Variants in SLC25A21 observed in about 807,000 individuals in gnomAD.
SLC25A21 encodes mitochondrial 2-oxodicarboxylate carrier.
Under a neutral mutation model 43.8 loss-of-function variants are expected in SLC25A21, and 47 were observed. The ratio of observed to expected loss-of-function variants is 1.07; its 90% confidence interval spans 0.85 to 1.37. SLC25A21 has a LOEUF of 1.37. Ranked by LOEUF, SLC25A21 falls within the 40% of genes most tolerant of loss-of-function variation. The pLI, the probability that SLC25A21 is intolerant of heterozygous loss-of-function variation, is 0.00. For synonymous variants in SLC25A21, 131 were observed against 121.3 expected, an observed-to-expected ratio of 1.08 and a Z score of -0.52; for missense variants, 352 against 350.2, an observed-to-expected ratio of 1.00 and a Z score of -0.04.
At chr14:36,724,413 T>A (rs989024034) in intron 6 of SLC25A21, among the ~76,000 whole-genome samples, 38 of 151,868 alleles carry the variant, frequency 2.5e-4, no homozygotes, top group African/African-American at 4.8e-5. Flanking sequence ...AGTGAGGGGG[T>A]CTCCACCCAT....
chr14:36,727,841 C>A (rs1009086468), intron 5 of SLC25A21, among the ~76,000 whole-genome samples: 1 of 151,986 alleles, frequency 6.6e-6, no homozygotes, highest in African/African-American at 2.4e-5. Flanking sequence ...ATATTTTATT[C>A]ATTTATCTCA....
At chr14:36,847,967 G>A (rs1457259420) in intron 2 of SLC25A21, among the ~76,000 whole-genome samples, 1 of 152,158 alleles carries the variant, frequency 6.6e-6, no homozygotes, top group Non-Finnish European at 1.5e-5. Context: ...CTAAGGAAGA[G>A]GTGATACACA....
At chr14:36,684,587 G>A (rs1882444023) in intron 8 of SLC25A21, among the ~76,000 whole-genome samples, 157 bp downstream of exon 8, 1 of 151,996 alleles carries the variant, frequency 6.6e-6, no homozygotes, top group South Asian at 2.1e-4. Context: ...TCTTACTATT[G>A]TGTTGTCTTG....
intron 1 of SLC25A21, among the ~76,000 whole-genome samples, chr14:37,019,480 T>C (rs1281994741): frequency 6.6e-6 from 1 of 151,810 alleles, no homozygotes; most frequent in Non-Finnish European, 1.5e-5. Flanking sequence ...CTTCTCAATA[T>C]TCTGGAAGTT....
chr14:37,074,809 G>A (rs925197050), intron 1 of SLC25A21, among the ~76,000 whole-genome samples: 3 of 152,066 alleles, frequency 2.0e-5, no homozygotes, highest in Non-Finnish European at 2.9e-5. Flanking sequence ...GTGACAGAGT[G>A]AGACTCTGTC....
intron 3 of SLC25A21, among the ~76,000 whole-genome samples, chr14:36,790,397 C>T (rs1232130450): frequency 6.6e-6 from 1 of 152,058 alleles, no homozygotes; most frequent in Non-Finnish European, 1.5e-5. Context: ...AGTTCTGCCA[C>T]ATCTGCTCTT....
At chr14:37,061,174 C>G (rs1464151244) in intron 1 of SLC25A21, among the ~76,000 whole-genome samples, 2 of 152,150 alleles carry the variant, frequency 1.3e-5, no homozygotes, top group African/African-American at 4.8e-5. Context: ...ACCTCAGAGA[C>G]TAGGAGGTTA....
At chr14:36,682,894 CTCTA>C (rs1882345881) in intron 9 of SLC25A21, among the ~76,000 whole-genome samples, 1 of 152,102 alleles carries the variant, frequency 6.6e-6, no homozygotes, top group African/African-American at 2.4e-5. Context: ...GACTCTTGTT[CTCTA>C]TCTTAGATTA....
At chr14:36,712,559 T>G (rs1955735) in intron 6 of SLC25A21, among the ~76,000 whole-genome samples, 15 of 152,104 alleles carry the variant, frequency 9.9e-5, no homozygotes, top group African/African-American at 3.1e-4. Flanking sequence ...ATAATAGCTA[T>G]GTAATTAATG....
At chr14:37,115,818 C>A (rs1594800432) in intron 1 of SLC25A21, among the ~76,000 whole-genome samples, 1 of 152,198 alleles carries the variant, frequency 6.6e-6, no homozygotes, top group African/African-American at 2.4e-5. Context: ...TCATATATAG[C>A]AAGTGTAAAA....
intron 1 of SLC25A21, among the ~76,000 whole-genome samples, chr14:37,024,502 C>T (rs1961052208): frequency 6.6e-6 from 1 of 152,042 alleles, no homozygotes; most frequent in Admixed American, 6.6e-5. Context: ...ACTTTTAGCA[C>T]ATGGTTTCTC....
At chr14:36,708,807 C>T (rs75600478) in intron 7 of SLC25A21, among the ~76,000 whole-genome samples, 1 of 142,966 alleles carries the variant, frequency 7.0e-6, no homozygotes, top group Non-Finnish European at 1.5e-5. Flanking sequence ...CCTGTCTCAA[C>T]TCTTGGCCTC....
chr14:36,840,798 C>T (rs973752231), intron 2 of SLC25A21, among the ~76,000 whole-genome samples: 1 of 152,126 alleles, frequency 6.6e-6, no homozygotes, highest in South Asian at 2.1e-4. Context: ...GCTCTGATAT[C>T]CGACGAGTCA....
intron 1 of SLC25A21, among the ~76,000 whole-genome samples, chr14:36,999,079 T>G (rs1033812557): frequency 3.3e-5 from 5 of 152,096 alleles, no homozygotes; most frequent in Non-Finnish European, 7.4e-5. Context: ...GAGTTGGAAA[T>G]ACAAAAACCT....
At chr14:37,040,248 AAGGGAGGGAGGGAGGGAGGG>A (rs1397612718) in intron 1 of SLC25A21, among the ~76,000 whole-genome samples, 1 of 2,218 alleles carries the variant, frequency 4.5e-4, no homozygotes, top group Non-Finnish European at 8.6e-4. Context: ...GGAAGGGAGG[AAGGGAGGGAGGGAGGGAGGG>A]AGGAAGGAAG....
chr14:36,922,081 C>T (rs1891994456), intron 1 of SLC25A21, among the ~76,000 whole-genome samples: 1 of 150,794 alleles, frequency 6.6e-6, no homozygotes, highest in African/African-American at 2.4e-5. Context: ...AGAGGTTGCA[C>T]TGAGCCAAGA....
intron 1 of SLC25A21, among the ~76,000 whole-genome samples, chr14:36,875,557 G>C (rs1594659318): frequency 6.6e-6 from 1 of 152,302 alleles, no homozygotes; most frequent in East Asian, 1.9e-4. Context: ...TGGGATCACT[G>C]TGTGCTAGGC....
In SLC25A21 at chr14:36,684,869, T is replaced by C. The variant is rs981237719; in HGVS notation, c.660A>G (p.Ile220Met). 1.2e-6 allele frequency: 2 copies of C among 1,614,016 alleles called. No homozygotes were observed. Among genetic ancestry groups the C allele is most frequent in the Non-Finnish European group, 1.7e-6 (2 of 1,179,962 alleles). ...KFGIGLLSGT[I>M]ASVINIPFDV... ...CAAAAGGGATGTTAATGACTGAGGC[T>C]ATTGTCCCCGAGAGAAGACCAATCC... The change falls in exon 8 of 10, where the codon ATA becomes ATG. Residue 220 changes from isoleucine (I) to methionine (M), a missense_variant. Transcript: ENST00000331299.
chr14:36,942,231 C>T (rs891838490), intron 1 of SLC25A21, among the ~76,000 whole-genome samples: 5 of 151,878 alleles, frequency 3.3e-5, no homozygotes, highest in Non-Finnish European at 5.9e-5. Flanking sequence ...AAATTCTTCG[C>T]GATTAGAAAG....
Sources: allele counts gnomAD v4.1 joint callset (sites outside exome capture counted in the v4.1 genomes callset), GRCh38; gene constraint gnomAD v4.1.1; transcripts MANE v1.5; gene names NCBI Gene and HGNC (gene_info 2026-07-23, HGNC 2026-07-21).